The following TMEM141 variants were observed in gnomAD, a reference collection of about 807,000 sequenced individuals.
TMEM141 encodes transmembrane protein 141.
Under a neutral mutation model 15.9 loss-of-function variants are expected in TMEM141, and 18 were observed. The ratio of observed to expected loss-of-function variants is 1.13; its 90% CI spans 0.78 to 1.68. TMEM141 has a LOEUF of 1.68. Among genes scored for constraint, TMEM141 ranks in the 40% most tolerant of loss-of-function variants. The pLI, the probability that TMEM141 is intolerant of heterozygous loss-of-function variation, is 0.00. For synonymous variants in TMEM141, 69 were observed against 54.0 expected (o/e 1.28, Z -1.22); for missense variants, 161 against 139.5 (o/e 1.15, Z -0.78).
In TMEM141 at chr9:136,792,879, G is replaced by T. The variant is rs1339155888; in HGVS notation, c.*47G>T. ...GAGGATTGGGGGCAGGAGGAGTCTGGAACACAGCCTTCATGCCCCCTGACC... is the reference window on the plus strand; with the variant it reads ...GAGGATTGGGGGCAGGAGGAGTCTGTAACACAGCCTTCATGCCCCCTGACC... On this transcript the variant is annotated 3_prime_UTR_variant, in exon 5 of 5. Coordinates refer to ENST00000290079, the MANE Select transcript of TMEM141 (RefSeq NM_032928.4). 6.7e-7 allele frequency: 1 copy of T among 1,493,262 alleles called. No individual in the cohort carries two copies. The highest frequency in any genetic ancestry group is 2.5e-5 in the East Asian group (1 of 40,714). 92.5% of individuals were successfully genotyped at this position (1,493,262 alleles called of 1,614,324 possible).
intron 4 of TMEM141, 103 bp downstream of exon 4, chr9:136,792,461 TCC>T: frequency 1.0e-6 from 1 of 962,372 alleles, no homozygotes; most frequent in Non-Finnish European, 1.6e-6. Context: ...CTAGACAAGG[TCC>T]CTCCCTCTGG....
chr9:136,791,683 G>T (rs1818685521), intron 1 of TMEM141, 28 bp from the exon 2 acceptor site: 3 of 1,608,592 alleles, frequency 1.9e-6, no homozygotes, highest in East Asian at 2.2e-5. Flanking sequence ...GCAGGGGATC[G>T]AGCCTTCACC....
In TMEM141 at chr9:136,791,401, G is replaced by A. The variant is rs1259752885; in HGVS notation, c.31G>A (p.Asp11Asn). The change falls in exon 1 of 5, where the codon GAC becomes AAC. Residue 11 changes from aspartate to asparagine, a missense_variant. Asp to Asn is a conservative substitution (Grantham distance 23). Transcript: ENST00000290079. The stretch of plus-strand genomic sequence containing the variant: ...GAACTTGGGTCTGTCCCGGGTGGAC[G>A]ACGCCGTGGCTGCCAAGCACCCGGT... MVNLGLSRVD[D>N]AVAAKHPGLG... 1.3e-5 allele frequency: 21 copies of A among 1,559,834 alleles called. No homozygotes were observed. Among genetic ancestry groups the A allele is most frequent in the Non-Finnish European group, 1.8e-5 (21 of 1,152,318 alleles).
At chr9:136,792,083 G>A in intron 3 of TMEM141, 53 bp downstream of exon 3, 1 of 1,606,790 alleles carries the variant, frequency 6.2e-7, no homozygotes, top group South Asian at 1.1e-5. Context: ...GTTTCTGCTA[G>A]GGTTGGGGCT....
Position 136,791,999 on chromosome 9 carries a change from C to A in TMEM141, c.174C>A (p.Tyr58Ter). The A allele has an allele frequency of 6.2e-7, 1 of 1,614,094 alleles. No homozygotes were observed. The highest frequency in any genetic ancestry group is 8.5e-7 in the Non-Finnish European group (1 of 1,180,020). The change falls in exon 3 of 5, where the codon TAC becomes TAA. Residue 58 changes from tyrosine to a stop codon, truncating the protein, a stop_gained. Coordinates refer to ENST00000290079, the MANE Select transcript of TMEM141 (RefSeq NM_032928.4). LOFTEE classifies it high-confidence loss of function. ...LQMFIQRKFP[Y>*]PLQWSLLVAV... ...TGTTCATTCAGAGGAAGTTTCCATA[C>A]CCTTTGCAGTGGAGCCTCCTAGTGG...
At chr9:136,791,568 G>C (rs1343189679) in intron 1 of TMEM141, 143 bp from the exon 2 acceptor site, 1 of 1,565,510 alleles carries the variant, frequency 6.4e-7, no homozygotes, top group Non-Finnish European at 8.7e-7. Context: ...CAGGGCGTCC[G>C]GGTGGGCATA....
intron 1 of TMEM141, 122 bp downstream of exon 1, chr9:136,791,546 T>G (rs1821600241): frequency 6.4e-7 from 1 of 1,556,454 alleles, no homozygotes; most frequent in East Asian, 2.3e-5. Flanking sequence ...GGCACTCTCT[T>G]GCTAAGGGGC....
In TMEM141 at chr9:136,792,026, C is replaced by A. The variant is rs765135595; in HGVS notation, c.201C>A (p.Ala67=). The change falls in exon 3 of 5, where the codon GCC becomes GCA. Residue 67 remains alanine, a synonymous_variant. Transcript: ENST00000290079. ...PYPLQWSLLV[A]VVAGSVVSYG... ...CTTTGCAGTGGAGCCTCCTAGTGGC[C>A]GTGGGTGGGTACTCCAGGGCCCCTG... The A allele has an allele frequency of 1.9e-6, 3 of 1,613,736 alleles. No homozygotes were observed. Among genetic ancestry groups the A allele is most frequent in the Non-Finnish European group, 2.5e-6 (3 of 1,179,980 alleles).
rs568070555 is a variant in TMEM141, at chr9:136,791,399, A to C, written c.29A>C (p.Asp10Ala). 1 of 1,560,024 alleles carries C rather than the reference A, an allele frequency of 6.4e-7. No individual in the cohort carries two copies. The highest frequency in any genetic ancestry group is 8.7e-7 in the Non-Finnish European group (1 of 1,152,372). Residue 10 changes from aspartate (D) to alanine (A), a missense_variant, in exon 1 of 5, where the codon GAC becomes GCC. Physicochemically the swap from Asp to Ala is moderately radical, Grantham distance 126. Transcript: ENST00000290079. MVNLGLSRV[D>A]DAVAAKHPGL... is the part of the protein sequence containing the mutation. ...GTGAACTTGGGTCTGTCCCGGGTGG[A>C]CGACGCCGTGGCTGCCAAGCACCCG...
chr9:136,792,482 C>T (rs1847601278), intron 4 of TMEM141, 124 bp downstream of exon 4: 4 of 795,572 alleles, frequency 5.0e-6, no homozygotes, highest in Non-Finnish European at 6.1e-6. Context: ...GGCCCGGCCT[C>T]CTCAGCATGT....
Position 136,792,289 on chromosome 9 carries a change from G to A in TMEM141, c.244G>A (p.Glu82Lys), listed in dbSNP as rs1486331800. ...SVVSYGVTRV[E>K]SEKCNNLWLF... The stretch of plus-strand genomic sequence containing the variant: ...GGTCAGCTACGGGGTGACGAGAGTG[G>A]AGTCGGAGAAATGCAACAACCTCTG... The change falls in exon 4 of 5, where the codon GAG becomes AAG. Residue 82 changes from glutamate (E) to lysine (K), a missense_variant. Transcript: ENST00000290079. 6.3e-7 allele frequency: 1 copy of A among 1,590,000 alleles called. No individual in the cohort carries two copies. Among genetic ancestry groups the A allele is most frequent in the East Asian group, 2.3e-5 (1 of 43,848 alleles).
In TMEM141 at chr9:136,792,882, C is replaced by G. The variant is rs774195415; in HGVS notation, c.*50C>G. The stretch of plus-strand genomic sequence containing the variant: ...GATTGGGGGCAGGAGGAGTCTGGAA[C>G]ACAGCCTTCATGCCCCCTGACCCCA... On this transcript the variant is annotated 3_prime_UTR_variant, in exon 5 of 5. Coordinates refer to ENST00000290079, the MANE Select transcript of TMEM141 (RefSeq NM_032928.4). 6.7e-7 allele frequency: 1 copy of G among 1,488,756 alleles called. No homozygotes were observed. The highest frequency in any genetic ancestry group is 1.4e-5 in the South Asian group (1 of 71,304). The allele number at this position is 1,488,756 out of a possible 1,614,324, so 92.2% of individuals were successfully genotyped here. A position where few individuals can be genotyped will look rare whatever the true frequency, so the allele number is the denominator to read the frequency against.
rs1188471794 is a variant in TMEM141 at position 136,792,291 on chromosome 9, G to A, written c.246G>A (p.Glu82=). Residue 82 remains glutamate (E), a synonymous_variant, in exon 4 of 5, where the codon GAG becomes GAA. Transcript: ENST00000290079. ...SVVSYGVTRV[E]SEKCNNLWLF... Reference sequence around the variant, plus strand: ...TCAGCTACGGGGTGACGAGAGTGGAGTCGGAGAAATGCAACAACCTCTGGC... The same window carrying A: ...TCAGCTACGGGGTGACGAGAGTGGAATCGGAGAAATGCAACAACCTCTGGC... The A allele has an allele frequency of 1.3e-6, 2 of 1,590,236 alleles. No individual in the cohort carries two copies. The highest frequency in any genetic ancestry group is 1.7e-6 in the Non-Finnish European group (2 of 1,167,852).
chr9:136,793,271 C>T lies in TMEM141; in HGVS notation c.*439C>T, dbSNP rs911984541. On this transcript the variant is annotated 3_prime_UTR_variant, in exon 5 of 5. Coordinates refer to ENST00000290079, the MANE Select transcript of TMEM141 (RefSeq NM_032928.4). ...TCCTTCTCTCCACCCAAGTTTCCACCTGACCAGGTGAAAAACAAATCAGAA... is the reference window on the plus strand; with the variant it reads ...TCCTTCTCTCCACCCAAGTTTCCACTTGACCAGGTGAAAAACAAATCAGAA... 6.5e-6 allele frequency: 1 copy of T among 154,756 alleles called. No homozygotes were observed. 9.6% of individuals were successfully genotyped at this position (154,756 alleles called of 1,614,324 possible). A position where few individuals can be genotyped will look rare whatever the true frequency, so the allele number is the denominator to read the frequency against.
At chr9:136,792,051 G>T (rs759206719) in intron 3 of TMEM141, 21 bp downstream of exon 3, 1 of 1,612,862 alleles carries the variant, frequency 6.2e-7, no homozygotes, top group Non-Finnish European at 8.5e-7. Context: ...CAGGGCCCCT[G>T]CCTGGGCTCT....
chr9:136,791,507 C>G, intron 1 of TMEM141, 83 bp downstream of exon 1: 1 of 1,547,704 alleles, frequency 6.5e-7, no homozygotes, highest in Non-Finnish European at 8.7e-7. Context: ...TGGGGGTGCC[C>G]TCGTCAGGGA....
At chr9:136,791,685 G>A (rs765744103) in intron 1 of TMEM141, 26 bp from the exon 2 acceptor site, 381 of 1,608,988 alleles carry the variant, frequency 2.4e-4, no homozygotes, top group Non-Finnish European at 3.1e-4. Flanking sequence ...AGGGGATCGA[G>A]CCTTCACCCG....
Position 136,791,367 on chromosome 9 carries a change from A to G in TMEM141, c.-4A>G, listed in dbSNP as rs1318427363. 1 of 1,559,368 alleles carries G rather than the reference A, an allele frequency of 6.4e-7. No individual in the cohort carries two copies. The highest frequency in any genetic ancestry group is 1.2e-5 in the South Asian group (1 of 84,900). The stretch of plus-strand genomic sequence containing the variant: ...GCAGGCCCGCTCCCCGAGCCCTGCC[A>G]ACCATGGTGAACTTGGGTCTGTCCC... On this transcript the variant is annotated 5_prime_UTR_variant, in exon 1 of 5. Transcript: ENST00000290079.
At chr9:136,791,812 G>A (rs1335520939) in intron 2 of TMEM141, 35 bp downstream of exon 2, 2 of 1,610,078 alleles carry the variant, frequency 1.2e-6, no homozygotes, top group Non-Finnish European at 8.5e-7. Flanking sequence ...GGCTGGGAGA[G>A]AACGCACCCT....
Sources: allele counts gnomAD v4.1 joint callset, GRCh38; gene constraint gnomAD v4.1.1; transcripts MANE v1.5; gene names NCBI Gene and HGNC (gene_info 2026-07-23, HGNC 2026-07-21).